The following UNC5C variants were observed in gnomAD, a reference collection of about 807,000 sequenced individuals.
UNC5C encodes unc-5 netrin receptor C, also known as netrin receptor UNC5C.
UNC5C carries 47 observed loss-of-function variants against 99.8 expected under a neutral mutation model. That is an observed-to-expected ratio of 0.47 (90% CI 0.37 to 0.60). The LOEUF (loss-of-function observed/expected upper bound fraction) is 0.60, where lower values mean the gene tolerates loss of function less well. UNC5C is among the 20% of genes least tolerant of loss of function. The probability of loss-of-function intolerance (pLI) is 0.00; values close to 1 mark genes in which losing one functional copy is unlikely to be tolerated. For missense variants in UNC5C, 1,062 were observed against 1,165.9 expected, an observed-to-expected ratio of 0.91 and a Z score of 1.30; for synonymous variants, 487 against 452.2, an observed-to-expected ratio of 1.08 and a Z score of -0.98.
chr4:95,529,604 T>C (rs561076674), intron 1 of UNC5C, among the ~76,000 whole-genome samples: 3 of 151,770 alleles, frequency 2.0e-5, no homozygotes, highest in Admixed American at 6.6e-5. Flanking sequence ...TGCATCCCTG[T>C]AGGTCCCAGC....
intron 12 of UNC5C, among the ~76,000 whole-genome samples, chr4:95,192,565 T>A (rs1470754410): frequency 7.8e-6 from 1 of 127,970 alleles, no homozygotes; most frequent in Non-Finnish European, 1.6e-5. Context: ...TCTGCTTACC[T>A]CTTCCCCTGC....
intron 1 of UNC5C, among the ~76,000 whole-genome samples, chr4:95,411,323 G>A (rs1745984985): frequency 6.6e-6 from 1 of 152,164 alleles, no homozygotes; most frequent in Non-Finnish European, 1.5e-5. Flanking sequence ...AGGATCCTCT[G>A]TAAGTCACTC....
At chr4:95,201,073 A>G (rs1485023346) in intron 12 of UNC5C, among the ~76,000 whole-genome samples, 1 of 152,176 alleles carries the variant, frequency 6.6e-6, no homozygotes, top group South Asian at 2.1e-4. Context: ...GAGCCCACCC[A>G]TGCTGGCATC....
At chr4:95,482,265 C>T (rs1401146193) in intron 1 of UNC5C, among the ~76,000 whole-genome samples, 8 of 151,578 alleles carry the variant, frequency 5.3e-5, no homozygotes, top group South Asian at 4.2e-4. Flanking sequence ...AAAATGCTCA[C>T]CATCACTGGC....
intron 14 of UNC5C, among the ~76,000 whole-genome samples, chr4:95,171,889 C>T (rs1736130323): frequency 6.6e-6 from 1 of 152,038 alleles, no homozygotes; most frequent in Non-Finnish European, 1.5e-5. Context: ...TCCACATCCT[C>T]TCTAGCACCT....
chr4:95,279,625 C>T (rs1740982904), intron 3 of UNC5C, among the ~76,000 whole-genome samples: 2 of 152,128 alleles, frequency 1.3e-5, no homozygotes, highest in South Asian at 2.1e-4. Flanking sequence ...CATGCATGTA[C>T]AGTTCAGTTC....
chr4:95,530,248 C>T (rs1359975652), intron 1 of UNC5C, among the ~76,000 whole-genome samples: 1 of 152,078 alleles, frequency 6.6e-6, no homozygotes, highest in Non-Finnish European at 1.5e-5. Flanking sequence ...TTGACTTTTC[C>T]ATTTGTTTTC....
chr4:95,319,033 T>G (rs1297229761), intron 2 of UNC5C, among the ~76,000 whole-genome samples: 1 of 152,214 alleles, frequency 6.6e-6, no homozygotes, highest in Non-Finnish European at 1.5e-5. Flanking sequence ...TAATCAAGTC[T>G]TGGTTATGTC....
chr4:95,424,246 C>T (rs571886450), intron 1 of UNC5C, among the ~76,000 whole-genome samples: 1 of 151,902 alleles, frequency 6.6e-6, no homozygotes, highest in Non-Finnish European at 1.5e-5. Context: ...TGACATCCCT[C>T]CCTACCCCCA....
chr4:95,277,670 A>G (rs1442741004), intron 4 of UNC5C, among the ~76,000 whole-genome samples: 1 of 152,224 alleles, frequency 6.6e-6, no homozygotes, highest in East Asian at 1.9e-4. Context: ...GTAATACTTC[A>G]TTAGCAACCA....
At chr4:95,184,024 A>G (rs576222510) in intron 13 of UNC5C, among the ~76,000 whole-genome samples, 307 of 152,330 alleles carry the variant, frequency 2.0e-3, no homozygotes, top group African/African-American at 7.0e-3. Flanking sequence ...TTATAATTGT[A>G]TAAAAGAAAT....
At chr4:95,469,166 C>T (rs932481591) in intron 1 of UNC5C, among the ~76,000 whole-genome samples, 3 of 152,076 alleles carry the variant, frequency 2.0e-5, no homozygotes, top group African/African-American at 7.2e-5. Context: ...GGCATTTCTT[C>T]GTTCCCAGAC....
intron 1 of UNC5C, among the ~76,000 whole-genome samples, chr4:95,465,780 C>G (rs1747755039): frequency 6.6e-6 from 1 of 152,070 alleles, no homozygotes; most frequent in Admixed American, 6.5e-5. Flanking sequence ...TTTGCACATG[C>G]TATTTCATTT....
intron 1 of UNC5C, among the ~76,000 whole-genome samples, chr4:95,476,041 A>G (rs753651886): frequency 3.9e-5 from 6 of 152,146 alleles, no homozygotes; most frequent in Admixed American, 6.6e-5. Flanking sequence ...ATGAACTGTA[A>G]TAACTTAACG....
At position 95,162,972 on chromosome 4, in the gene UNC5C, TGTCTTCTTTACAAAGAGCAAAGAG is replaced by T. The variant is rs1167961356; in HGVS notation, c.*6238_*6261del. On this transcript the variant is annotated 3_prime_UTR_variant, in exon 16 of 16. Coordinates refer to ENST00000453304, the MANE Select transcript of UNC5C (RefSeq NM_003728.4). ...GGGATTTTTCTCTGACAAACATTGG[TGTCTTCTTTACAAAGAGCAAAGAG>T]GAAGGTCACCAACTTGCTTCAGCTC... 6.6e-6 allele frequency: 1 copy of T among 152,206 alleles called. No homozygotes were observed. Among genetic ancestry groups the T allele is most frequent in the Non-Finnish European group, 1.5e-5 (1 of 68,042 alleles). The allele number at this position is 152,206 out of a possible 1,614,324, so 9.4% of individuals were successfully genotyped here.
At chr4:95,264,924 CAT>C (rs1371618535) in intron 4 of UNC5C, among the ~76,000 whole-genome samples, 1 of 152,164 alleles carries the variant, frequency 6.6e-6, no homozygotes, top group Non-Finnish European at 1.5e-5. Context: ...CCAGCATTTT[CAT>C]ATAGTCCTTC....
chr4:95,166,902 A>G lies in UNC5C; in HGVS notation c.*2332T>C, dbSNP rs998519337. 4 of 152,032 alleles carry G rather than the reference A, an allele frequency of 2.6e-5. No homozygotes were observed. Among genetic ancestry groups the G allele is most frequent in the African/African-American group, 9.7e-5 (4 of 41,316 alleles). The allele number at this position is 152,032 out of a possible 1,614,324, so 9.4% of individuals were successfully genotyped here. A position where few individuals can be genotyped will look rare whatever the true frequency, so the allele number is the denominator to read the frequency against. ...ATCCACTGAACTTGTTTATAGTGCA[A>G]TCTCTCCCTTCCCCAGTCAGTGTAC... On this transcript the variant is annotated 3_prime_UTR_variant, in exon 16 of 16. Coordinates refer to ENST00000453304, the MANE Select transcript of UNC5C (RefSeq NM_003728.4).
chr4:95,547,488 AG>A (rs1389490281), intron 1 of UNC5C, among the ~76,000 whole-genome samples: 17 of 152,084 alleles, frequency 1.1e-4, no homozygotes, highest in African/African-American at 3.9e-4. Flanking sequence ...GCTATCGTAA[AG>A]CCTCCCTTTA....
At chr4:95,175,725 G>T (rs947724769) in intron 14 of UNC5C, among the ~76,000 whole-genome samples, 6 of 152,042 alleles carry the variant, frequency 3.9e-5, no homozygotes, top group African/African-American at 1.5e-4. Flanking sequence ...ATGTGTCTTG[G>T]ACTTTCTCTT....
Sources: gnomAD v4.1 joint callset for allele counts (sites outside exome capture counted in the v4.1 genomes callset) on GRCh38, gnomAD v4.1.1 for gene constraint, MANE v1.5 for transcripts, NCBI Gene and HGNC (gene_info 2026-07-23, HGNC 2026-07-21) for gene names.